The following RPS6KB1 variants were observed in gnomAD, a reference collection of about 807,000 sequenced individuals.
RPS6KB1 encodes the protein ribosomal protein S6 kinase B1.
Under a neutral mutation model 70.2 loss-of-function variants are expected in RPS6KB1, and 12 were observed. The observed-to-expected ratio is 0.17, with a 90% CI of 0.11 to 0.28. RPS6KB1 has a LOEUF of 0.28. RPS6KB1 is among the 10% of genes least tolerant of loss of function. RPS6KB1 has a pLI of 1.00. For synonymous variants in RPS6KB1, 175 were observed against 211.2 expected (o/e 0.83, Z 1.49); for missense variants, 270 against 646.6 (o/e 0.42, Z 6.32).
chr17:59,924,447 C>A (rs1045840767), intron 4 of RPS6KB1, among the ~76,000 whole-genome samples: 7 of 151,780 alleles, frequency 4.6e-5, no homozygotes, highest in African/African-American at 1.7e-4. Flanking sequence ...TACTTCCTAC[C>A]CCTCATCCTT....
At position 59,940,917 on chromosome 17, in the gene RPS6KB1, A is replaced by G. The variant is rs1220336638; in HGVS notation, c.1201A>G (p.Ser401Gly). 6.3e-7 allele frequency: 1 copy of G among 1,594,886 alleles called. No homozygotes were observed. Among genetic ancestry groups the G allele is most frequent in the Non-Finnish European group, 8.5e-7 (1 of 1,176,734 alleles). The change falls in exon 13 of 15, where the codon AGT becomes GGT. Residue 401 changes from serine (S) to glycine (G), a missense_variant. Physicochemically the swap from Ser to Gly is moderately conservative, Grantham distance 56 (BLOSUM62 0). Coordinates refer to ENST00000225577, the MANE Select transcript of RPS6KB1 (RefSeq NM_003161.4). ...CGACAGCCCAGATGACTCAACTCTC[A>G]GTGAAAGTGCCAATCAGGTCTTTCT... ...PVDSPDDSTL[S>G]ESANQVFLGF...
rs2041263468 is a variant in RPS6KB1, at chr17:59,893,479, T to C, written c.141+154T>C. Reference sequence around the variant, plus strand: ...TGAGACAGGGGAGCGGGCGGGGCGGTCATGGCCCTAGGTGTGAGGCCTCTG... The same window carrying C: ...TGAGACAGGGGAGCGGGCGGGGCGGCCATGGCCCTAGGTGTGAGGCCTCTG... On this transcript the variant is annotated intron_variant, in intron 1 of 14. Transcript: ENST00000225577. This position sits in a 1 kb window ranked among gnomAD's most constrained non-coding sequence, Gnocchi z 4.1. Among the ~76,000 whole-genome samples, 1 of 151,956 alleles carries C rather than the reference T, an allele frequency of 6.6e-6. No individual in the cohort carries two copies. Among genetic ancestry groups the C allele is most frequent in the Non-Finnish European group, 1.5e-5 (1 of 67,982 alleles).
At position 59,893,448 on chromosome 17, in the gene RPS6KB1, G is replaced by A. The variant is rs1190007328; in HGVS notation, c.141+123G>A. 5.7e-6 allele frequency: 6 copies of A among 1,049,714 alleles called. No homozygotes were observed. The highest frequency in any genetic ancestry group is 8.2e-6 in the Non-Finnish European group (6 of 728,090). 65.0% of individuals were successfully genotyped at this position (1,049,714 alleles called of 1,614,324 possible). Reference sequence around the variant, plus strand: ...GGGCTCCTGAGGAGCTGAGGGTCGCGCGGCCTGAGACAGGGGAGCGGGCGG... The same window carrying A: ...GGGCTCCTGAGGAGCTGAGGGTCGCACGGCCTGAGACAGGGGAGCGGGCGG... On this transcript the variant is annotated intron_variant, in intron 1 of 14. Coordinates refer to ENST00000225577, the MANE Select transcript of RPS6KB1 (RefSeq NM_003161.4). The surrounding 1 kb of genome is among the most constrained non-coding windows in gnomAD (Gnocchi z 4.1).
At chr17:59,922,908 C>T (rs1487481233) in intron 4 of RPS6KB1, among the ~76,000 whole-genome samples, 1 of 148,638 alleles carries the variant, frequency 6.7e-6, no homozygotes, top group East Asian at 2.0e-4. Context: ...ACTCTGGTGC[C>T]CAGGCTGGAG....
At chr17:59,911,823 C>T (rs1370978998) in intron 2 of RPS6KB1, among the ~76,000 whole-genome samples, 1 of 151,858 alleles carries the variant, frequency 6.6e-6, no homozygotes, top group Non-Finnish European at 1.5e-5. Flanking sequence ...CTTGAACTCT[C>T]GACCTCAAGT....
chr17:59,936,295 T>C lies in RPS6KB1; in HGVS notation c.1041+18T>C, dbSNP rs1391290623. On this transcript the variant is annotated intron_variant, in intron 11 of 14. Coordinates refer to ENST00000225577, the MANE Select transcript of RPS6KB1 (RefSeq NM_003161.4). Reference sequence around the variant, plus strand: ...AAGTTCAAGTAGGGATTGGCATCTTTGGTGTTTTGTGGGGAAGATAATGCT... The same window carrying C: ...AAGTTCAAGTAGGGATTGGCATCTTCGGTGTTTTGTGGGGAAGATAATGCT... The C allele has an allele frequency of 4.4e-6, 7 of 1,585,470 alleles. No homozygotes were observed. The highest frequency in any genetic ancestry group is 4.3e-6 in the Non-Finnish European group (5 of 1,169,234).
intron 14 of RPS6KB1, 56 bp downstream of exon 14, chr17:59,945,574 TTTGC>T: frequency 1.1e-6 from 1 of 929,828 alleles, no homozygotes; most frequent in Non-Finnish European, 1.7e-6. Flanking sequence ...TACAAGAGTG[TTTGC>T]TTAAGAAGTT....
At chr17:59,944,739 C>T (rs2044818135) in intron 13 of RPS6KB1, among the ~76,000 whole-genome samples, 1 of 151,002 alleles carries the variant, frequency 6.6e-6, no homozygotes, top group South Asian at 2.1e-4. Flanking sequence ...GCTTATATGC[C>T]TGTGGCTAGA....
intron 12 of RPS6KB1, among the ~76,000 whole-genome samples, chr17:59,938,414 C>A (rs1473656409): frequency 1.8e-5 from 2 of 110,812 alleles, no homozygotes; most frequent in South Asian, 5.2e-4. Context: ...TTTTTTTTCT[C>A]CTGTTTGTAA....
chr17:59,921,130 G>T (rs1455463357), intron 4 of RPS6KB1, among the ~76,000 whole-genome samples: 2 of 152,168 alleles, frequency 1.3e-5, no homozygotes, highest in African/African-American at 4.8e-5. Flanking sequence ...GTGAAAAAAA[G>T]AGTGCTTGTT....
intron 3 of RPS6KB1, among the ~76,000 whole-genome samples, chr17:59,914,034 T>A (rs1402814425): frequency 6.6e-6 from 1 of 152,172 alleles, no homozygotes; most frequent in Non-Finnish European, 1.5e-5. Flanking sequence ...TTGTATTGTT[T>A]ATTGTTTTTT....
At chr17:59,897,964 CAAAA>C (rs1469872753) in intron 1 of RPS6KB1, among the ~76,000 whole-genome samples, 1 of 76,280 alleles carries the variant, frequency 1.3e-5, no homozygotes. Flanking sequence ...GATTCCGTCT[CAAAA>C]AAAAAAAAAA....
At position 59,918,227 on chromosome 17, in the gene RPS6KB1, C is replaced by G. The variant is rs532288833; in HGVS notation, c.381+3524C>G. ...GATTACAGGCGTAAGCCACTGTGCC[C>G]AGCCATTTGACTAAATTTTTTTTTA... On this transcript the variant is annotated intron_variant, in intron 4 of 14. Coordinates refer to ENST00000225577, the MANE Select transcript of RPS6KB1 (RefSeq NM_003161.4). 7.2e-5 allele frequency among the ~76,000 whole-genome samples: 11 copies of G among 152,300 alleles called. No individual in the cohort carries two copies. The South Asian group carries it at 2.3e-3, about 32-fold the overall frequency.
At chr17:59,898,942 C>T (rs557740246) in intron 1 of RPS6KB1, among the ~76,000 whole-genome samples, 2 of 151,334 alleles carry the variant, frequency 1.3e-5, no homozygotes, top group African/African-American at 4.8e-5. Flanking sequence ...GTGGCTCATG[C>T]CTGTAATCCC....
At chr17:59,940,738 G>T in intron 12 of RPS6KB1, 98 bp from the exon 13 acceptor site, 2 of 642,640 alleles carry the variant, frequency 3.1e-6, no homozygotes, top group Non-Finnish European at 2.6e-6. Flanking sequence ...CTTTATTATA[G>T]TTAACCCCCG....
Position 59,931,736 on chromosome 17 carries a change from G to A in RPS6KB1, c.688+14G>A, listed in dbSNP as rs375685391. The A allele has an allele frequency of 7.2e-5, 112 of 1,544,886 alleles. No homozygotes were observed. The African/African-American group carries it at 8.7e-4, about 12-fold the overall frequency. ...TTAATCACCAAGGTGGAGACATACCGTAAACAATTCTATAGTAAATAATCA... is the reference window on the plus strand; with the variant it reads ...TTAATCACCAAGGTGGAGACATACCATAAACAATTCTATAGTAAATAATCA... On this transcript the variant is annotated intron_variant, in intron 7 of 14. Transcript: ENST00000225577.
Position 59,893,234 on chromosome 17 carries a change from G to C in RPS6KB1, c.50G>C (p.Arg17Pro), listed in dbSNP as rs767780996. 2 of 1,612,570 alleles carry C rather than the reference G, an allele frequency of 1.2e-6. No homozygotes were observed. Among genetic ancestry groups the C allele is most frequent in the Admixed American group, 1.7e-5 (1 of 59,696 alleles). The change falls in exon 1 of 15, where the codon CGA (arginine) becomes CCA (proline). Residue 17 changes from arginine to proline, a missense_variant. Arg to Pro is a moderately radical substitution (Grantham distance 103). This residue lies in a region of RPS6KB1 where 72 missense variants were observed against 93.4 expected (regional missense o/e 0.77). Coordinates refer to ENST00000225577, the MANE Select transcript of RPS6KB1 (RefSeq NM_003161.4). The surrounding 1 kb of genome is among the most constrained non-coding windows in gnomAD (Gnocchi z 4.1). Reference sequence around the variant, plus strand: ...GGCTTTTACCCAGCCCCGGACTTCCGAGACAGGGAAGCTGAGGACATGGCA... The same window carrying C: ...GGCTTTTACCCAGCCCCGGACTTCCCAGACAGGGAAGCTGAGGACATGGCA... Reference protein sequence around the residue: ...RDGFYPAPDFRDREAEDMAGV... With the variant: ...RDGFYPAPDFPDREAEDMAGV...
At chr17:59,909,771 T>A (rs1001590113) in intron 1 of RPS6KB1, among the ~76,000 whole-genome samples, 3 of 151,980 alleles carry the variant, frequency 2.0e-5, no homozygotes, top group African/African-American at 7.2e-5. Flanking sequence ...CCCAGCACTT[T>A]GGGAGGCTGA....
chr17:59,916,342 G>A lies in RPS6KB1; in HGVS notation c.381+1639G>A, dbSNP rs375467279. ...GTCGAACTCCTGACCTCGGGGGATC[G>A]GCCCGCCTTGACCTCCCAAAGTGTT... is the stretch of plus-strand genomic sequence containing the variant. On this transcript the variant is annotated intron_variant, in intron 4 of 14. Coordinates refer to ENST00000225577, the MANE Select transcript of RPS6KB1 (RefSeq NM_003161.4). Among the ~76,000 whole-genome samples, 15 of 149,818 alleles carry A rather than the reference G, an allele frequency of 1.0e-4. No homozygotes were observed. In the East Asian group the frequency reaches 2.0e-3, roughly 20 times the overall value.
Sources: gnomAD v4.1 joint callset for allele counts (sites outside exome capture counted in the v4.1 genomes callset) on GRCh38, gnomAD v4.1.1 for gene constraint, gnomAD v4.1.1 regional missense constraint, Gnocchi (gnomAD v3.1) non-coding constraint, MANE v1.5 for transcripts, NCBI Gene and HGNC (gene_info 2026-07-23, HGNC 2026-07-21) for gene names.